FANCB: variants seen among roughly 807,000 people sequenced by gnomAD.
FANCB encodes FA complementation group B.
A neutral mutation model predicts 38.9 loss-of-function variants in FANCB; 5 were observed. The ratio of observed to expected loss-of-function variants is 0.13; its 90% CI spans 0.07 to 0.27. The LOEUF is 0.27. FANCB is among the 10% of genes least tolerant of loss of function. The pLI, the probability that FANCB is intolerant of heterozygous loss-of-function variation, is 1.00. For missense variants in FANCB, 573 were observed against 602.7 expected (o/e 0.95, Z 0.52); for synonymous variants, 236 against 215.4 (o/e 1.10, Z -0.84).
chrX:14,692,592 T>A, the FANCB span, among the ~76,000 whole-genome samples: 1 of 111,961 alleles, frequency 8.9e-6, no homozygotes, highest in East Asian at 2.8e-4. Flanking sequence ...GCAAAATTCC[T>A]TTCAGATGTT....
the FANCB span, among the ~76,000 whole-genome samples, chrX:14,691,593 A>G: frequency 2.7e-5 from 3 of 111,280 alleles, no homozygotes; most frequent in African/African-American, 9.8e-5. Flanking sequence ...TATTTTAAAA[A>G]TCCCAAGCCT....
the FANCB span, among the ~76,000 whole-genome samples, chrX:14,797,692 A>G: frequency 1.1e-5 from 1 of 87,091 alleles, no homozygotes; most frequent in African/African-American, 6.0e-5. Context: ...AAAAAAAAAA[A>G]GAGAGAGAGA....
the FANCB span, among the ~76,000 whole-genome samples, chrX:14,743,643 T>C: frequency 9.3e-6 from 1 of 108,059 alleles, no homozygotes; most frequent in South Asian, 4.2e-4. Flanking sequence ...CCATTTCCCC[T>C]ACCAGCCTAT....
the FANCB span, among the ~76,000 whole-genome samples, chrX:14,743,556 A>C: frequency 1.0e-5 from 1 of 96,346 alleles, no homozygotes; most frequent in East Asian, 2.9e-4. Context: ...GCTTCTATGT[A>C]ACATTTTGTG....
At chrX:14,705,806 G>T in the FANCB span, among the ~76,000 whole-genome samples, 1 of 111,912 alleles carries the variant, frequency 8.9e-6, no homozygotes, top group African/African-American at 3.3e-5. Context: ...ATTTTGTTGG[G>T]TGTATGATTT....
chrX:14,827,640 T>C, the FANCB span, among the ~76,000 whole-genome samples: 2 of 112,045 alleles, frequency 1.8e-5, no homozygotes, highest in Middle Eastern at 4.6e-3. Context: ...GCTGCTCTCA[T>C]TGAGGTCAGC....
At chrX:14,860,705 G>A (rs1369340135) in intron 3 of FANCB, among the ~76,000 whole-genome samples, 1 of 111,627 alleles carries the variant, frequency 9.0e-6, no homozygotes, top group East Asian at 2.8e-4. Flanking sequence ...AAATTTGATG[G>A]TTGACATTTA....
the FANCB span, among the ~76,000 whole-genome samples, chrX:14,733,755 G>A: frequency 1.8e-5 from 2 of 111,706 alleles, no homozygotes; most frequent in Admixed American, 1.9e-4. Context: ...ATCAGCATAA[G>A]GAGATTTTGG....
At chrX:14,741,150 T>A in the FANCB span, among the ~76,000 whole-genome samples, 1 of 111,262 alleles carries the variant, frequency 9.0e-6, no homozygotes, top group South Asian at 3.7e-4. Flanking sequence ...GTTAATTGGG[T>A]GTATGGAAGG....
At chrX:14,863,005 G>A (rs145447315) in intron 3 of FANCB, among the ~76,000 whole-genome samples, 79 of 112,076 alleles carry the variant, frequency 7.0e-4, no homozygotes, top group African/African-American at 2.4e-3. Flanking sequence ...TGTATAATGC[G>A]CTTTTAAAAG....
chrX:14,828,705 T>C, the FANCB span, among the ~76,000 whole-genome samples: 1 of 111,429 alleles, frequency 9.0e-6, no homozygotes, highest in African/African-American at 3.3e-5. Context: ...CAAACTCCTG[T>C]TAAAGTTTAT....
the FANCB span, among the ~76,000 whole-genome samples, chrX:14,826,452 G>A: frequency 2.7e-5 from 3 of 112,235 alleles, no homozygotes; most frequent in East Asian, 5.6e-4. Flanking sequence ...GATGATTTCT[G>A]TAATGTATCC....
the FANCB span, among the ~76,000 whole-genome samples, chrX:14,721,653 C>T: frequency 2.7e-5 from 3 of 111,349 alleles, no homozygotes; most frequent in Admixed American, 2.9e-4. Flanking sequence ...TACAGTCCCA[C>T]CCTGTATATG....
At chrX:14,815,019 A>G in the FANCB span, among the ~76,000 whole-genome samples, 2 of 111,657 alleles carry the variant, frequency 1.8e-5, no homozygotes, top group Non-Finnish European at 3.8e-5. Context: ...TGTCCTTTGT[A>G]AGGACATGGA....
At chrX:14,819,242 T>C in the FANCB span, among the ~76,000 whole-genome samples, 1 of 111,361 alleles carries the variant, frequency 9.0e-6, no homozygotes, top group African/African-American at 3.3e-5. Context: ...AGACCCAGAA[T>C]GCACAGAGGT....
At chrX:14,808,496 T>C in the FANCB span, among the ~76,000 whole-genome samples, 1 of 112,019 alleles carries the variant, frequency 8.9e-6, no homozygotes, top group East Asian at 2.8e-4. Flanking sequence ...TAAAAAAGCA[T>C]TTGATAAAAT....
chrX:14,832,928 TTTTC>T (rs1407298896), downstream of FANCB, among the ~76,000 whole-genome samples: 1 of 111,967 alleles, frequency 8.9e-6, no homozygotes, highest in Non-Finnish European at 1.9e-5. Context: ...TTGAGTTGGG[TTTTC>T]TTTTAGTGTA....
chrX:14,702,964 T>C, the FANCB span, among the ~76,000 whole-genome samples: 9 of 111,127 alleles, frequency 8.1e-5, no homozygotes, highest in Non-Finnish European at 1.5e-4. Context: ...TAGGTGATGT[T>C]GCTCAGCTGC....
the FANCB span, among the ~76,000 whole-genome samples, chrX:14,696,219 C>T: frequency 5.4e-4 from 19 of 34,960 alleles, no homozygotes; most frequent in East Asian, 5.2e-3. Context: ...AGGGAGAGTG[C>T]GAGGGAGGGA....
Sources: allele counts gnomAD v4.1 joint callset (sites outside exome capture counted in the v4.1 genomes callset), GRCh38; gene constraint gnomAD v4.1.1; transcripts MANE v1.5; gene names NCBI Gene and HGNC (gene_info 2026-07-23, HGNC 2026-07-21).